The following SUCLG2 variants were observed in gnomAD, a reference collection of about 807,000 sequenced individuals.
The protein encoded by SUCLG2 is succinate-CoA ligase GDP-forming subunit beta.
SUCLG2 carries 42 observed loss-of-function variants against 47.9 expected under a neutral mutation model. That is an observed-to-expected ratio of 0.88 (90% confidence interval 0.69 to 1.14). The LOEUF is 1.14. Ranked by LOEUF, SUCLG2 falls within the 50% of genes most tolerant of loss-of-function variation. SUCLG2 has a pLI of 0.00. For synonymous variants in SUCLG2, 195 were observed against 197.3 expected, an observed-to-expected ratio of 0.99 and a Z score of 0.10; for missense variants, 571 against 525.9, an observed-to-expected ratio of 1.09 and a Z score of -0.84.
chr3:67,495,834 T>C lies in SUCLG2; in HGVS notation c.1026A>G (p.Val342=), dbSNP rs2107060590. Residue 342 remains valine (V), a synonymous_variant, in exon 9 of 11, where the codon GTA becomes GTG. Transcript: ENST00000307227. ...DLGGGVKEAQ[V]YQAFKLLTAD... ...CTGTGAGCAATTTGAATGCTTGATA[T>C]ACTTGAGCTTCCTTTACACCACCTC... 1 of 1,614,046 alleles carries C rather than the reference T, an allele frequency of 6.2e-7. No homozygotes were observed. Among genetic ancestry groups the C allele is most frequent in the East Asian group, 2.2e-5 (1 of 44,864 alleles).
At chr3:67,636,217 C>A (rs1257732519) in intron 1 of SUCLG2, among the ~76,000 whole-genome samples, 2 of 152,100 alleles carry the variant, frequency 1.3e-5, no homozygotes, top group Non-Finnish European at 2.9e-5. Flanking sequence ...AGTCCAGGAG[C>A]TTGTTTGGGA....
chr3:67,612,524 T>A (rs1301335154), intron 1 of SUCLG2, among the ~76,000 whole-genome samples: 1 of 152,146 alleles, frequency 6.6e-6, no homozygotes, highest in African/African-American at 2.4e-5. Context: ...CAATAATAGT[T>A]CCATCTACTA....
chr3:67,428,808 A>G (rs551425634), intron 9 of SUCLG2, among the ~76,000 whole-genome samples: 37 of 152,366 alleles, frequency 2.4e-4, no homozygotes, highest in African/African-American at 8.7e-4. Context: ...ATGCATGCAC[A>G]AGCTTCAGTA....
Position 67,622,462 on chromosome 3 carries a change from A to G in SUCLG2, c.85-12866T>C, listed in dbSNP as rs1232730300. Reference sequence around the variant, plus strand: ...ACAACAGACTTCGATTTCATCACTTATACTTTACGTCTTTTATTTTAAAGT... The same window carrying G: ...ACAACAGACTTCGATTTCATCACTTGTACTTTACGTCTTTTATTTTAAAGT... On this transcript the variant is annotated intron_variant, in intron 1 of 10. Transcript: ENST00000307227. 2.0e-5 allele frequency among the ~76,000 whole-genome samples: 3 copies of G among 152,336 alleles called. No individual in the cohort carries two copies. The East Asian group carries it at 5.8e-4, about 29-fold the overall frequency.
At chr3:67,467,681 A>G (rs1308006381) in intron 9 of SUCLG2, among the ~76,000 whole-genome samples, 2 of 152,200 alleles carry the variant, frequency 1.3e-5, no homozygotes, top group Admixed American at 6.5e-5. Flanking sequence ...GAGTTAATGG[A>G]AATGAATAAT....
chr3:67,450,017 T>TATTTTTTTAAA (rs1704018619), intron 9 of SUCLG2, among the ~76,000 whole-genome samples: 1 of 126,062 alleles, frequency 7.9e-6, no homozygotes, highest in South Asian at 2.9e-4. Context: ...GATAATAAAA[T>TATTTTTTTAAA]ACAAAAAAAC....
intron 6 of SUCLG2, among the ~76,000 whole-genome samples, chr3:67,514,685 T>C (rs921513787): frequency 3.3e-5 from 5 of 152,190 alleles, no homozygotes; most frequent in Admixed American, 2.6e-4. Context: ...TCCCTTTCTG[T>C]GGTTTTAGTT....
chr3:67,554,860 G>A (rs1436630569), intron 2 of SUCLG2, among the ~76,000 whole-genome samples: 1 of 152,148 alleles, frequency 6.6e-6, no homozygotes, highest in Non-Finnish European at 1.5e-5. Context: ...CATATATTCA[G>A]TGAAAAAGTG....
chr3:67,448,331 T>A (rs905235471), intron 9 of SUCLG2, among the ~76,000 whole-genome samples: 28 of 152,332 alleles, frequency 1.8e-4, no homozygotes, highest in Admixed American at 5.9e-4. Context: ...AATACATATA[T>A]GATGGGTCCA....
At chr3:67,450,562 C>CACCT (rs1258576247) in intron 9 of SUCLG2, among the ~76,000 whole-genome samples, 2 of 152,284 alleles carry the variant, frequency 1.3e-5, no homozygotes, top group East Asian at 3.9e-4. Flanking sequence ...GAACAGTGAA[C>CACCT]ACCTATATGC....
chr3:67,436,814 T>C (rs1020648881), intron 9 of SUCLG2, among the ~76,000 whole-genome samples: 2 of 152,212 alleles, frequency 1.3e-5, no homozygotes, highest in Non-Finnish European at 2.9e-5. Context: ...TTTGTAGGTA[T>C]TTAAATACAA....
At position 67,612,477 on chromosome 3, in the gene SUCLG2, C is replaced by T. The variant is rs183990466; in HGVS notation, c.85-2881G>A. Among the ~76,000 whole-genome samples the T allele has an allele frequency of 4.4e-4, 67 of 152,078 alleles. No homozygotes were observed. The South Asian group carries it at 6.2e-3, about 14-fold the overall frequency. ...CTATGCAAATGGATGGTAGAAAGTA[C>T]GCTGGAAATGTAATATAAACTGCTG... is the stretch of plus-strand genomic sequence containing the variant. On this transcript the variant is annotated intron_variant, in intron 1 of 10. Coordinates refer to ENST00000307227, the MANE Select transcript of SUCLG2 (RefSeq NM_003848.4).
intron 2 of SUCLG2, among the ~76,000 whole-genome samples, chr3:67,583,967 CA>C (rs1427995229): frequency 1.3e-5 from 2 of 152,216 alleles, no homozygotes; most frequent in African/African-American, 4.8e-5. Flanking sequence ...ACTACATCTG[CA>C]AAGTCCTTTT....
intron 2 of SUCLG2, among the ~76,000 whole-genome samples, chr3:67,604,795 G>T (rs7633790): frequency 0.4 from 61,521 of 152,002 alleles, 12,752 homozygotes; most frequent in African/African-American, 0.44. Context: ...ACAATCCGCA[G>T]AGAAGTCACC....
chr3:67,554,439 T>G (rs561870958), intron 2 of SUCLG2, among the ~76,000 whole-genome samples: 1 of 152,268 alleles, frequency 6.6e-6, no homozygotes, highest in East Asian at 1.9e-4. Flanking sequence ...CTTCTATAAA[T>G]TGTGTCACTT....
At chr3:67,619,173 C>T (rs1003565906) in intron 1 of SUCLG2, among the ~76,000 whole-genome samples, 13 of 152,194 alleles carry the variant, frequency 8.5e-5, no homozygotes, top group African/African-American at 2.4e-4. Context: ...CAAAGTCTTA[C>T]GTTGCTGATC....
At chr3:67,452,631 C>G (rs1246052871) in intron 9 of SUCLG2, among the ~76,000 whole-genome samples, 1 of 152,106 alleles carries the variant, frequency 6.6e-6, no homozygotes, top group Non-Finnish European at 1.5e-5. Flanking sequence ...CAGTTTAGCT[C>G]TTCCTCCCTT....
chr3:67,499,950 C>A (rs924300071), intron 7 of SUCLG2, among the ~76,000 whole-genome samples: 2 of 152,070 alleles, frequency 1.3e-5, no homozygotes, highest in African/African-American at 4.8e-5. Flanking sequence ...CCAGGATGGT[C>A]TCGATCTCCT....
chr3:67,419,143 G>A (rs1559519006), intron 9 of SUCLG2, among the ~76,000 whole-genome samples: 2 of 152,114 alleles, frequency 1.3e-5, no homozygotes. Context: ...AAAGGATGCT[G>A]GCATTCTATT....
Sources: allele counts gnomAD v4.1 joint callset (sites outside exome capture counted in the v4.1 genomes callset), GRCh38; gene constraint gnomAD v4.1.1; transcripts MANE v1.5; gene names NCBI Gene and HGNC (gene_info 2026-07-23, HGNC 2026-07-21).